TMEM209: variants seen among roughly 807,000 people sequenced by gnomAD.
TMEM209 encodes the protein transmembrane protein 209, also known as testicular tissue protein Li 202.
A neutral mutation model predicts 76.2 loss-of-function variants in TMEM209; 65 were observed. The observed-to-expected ratio is 0.85, with a 90% CI of 0.70 to 1.05. The LOEUF is 1.05. Among genes scored for constraint, TMEM209 ranks in the 50% least tolerant of loss-of-function variants. The pLI is 0.00. For missense variants in TMEM209, 623 were observed against 685.5 expected (o/e 0.91, Z 1.02); for synonymous variants, 239 against 237.6 (o/e 1.01, Z -0.06).
At chr7:130,190,499 C>T (rs541980227) in intron 6 of TMEM209, among the ~76,000 whole-genome samples, 1 of 144,882 alleles carries the variant, frequency 6.9e-6, no homozygotes, top group South Asian at 2.2e-4. Context: ...GCCTGGGCGA[C>T]AGAGCCAAGA....
At chr7:130,191,317 A>T (rs1797788829) in intron 6 of TMEM209, among the ~76,000 whole-genome samples, 1 of 151,754 alleles carries the variant, frequency 6.6e-6, no homozygotes, top group African/African-American at 2.4e-5. Context: ...TACTTAGCAA[A>T]TCTGACAGAA....
At chr7:130,191,979 C>G (rs1248560799) in intron 6 of TMEM209, among the ~76,000 whole-genome samples, 1 of 152,120 alleles carries the variant, frequency 6.6e-6, no homozygotes, top group African/African-American at 2.4e-5. Flanking sequence ...AGTCATGGTC[C>G]AATAACCGGC....
At chr7:130,184,159 T>A in intron 8 of TMEM209, 25 bp downstream of exon 8, 1 of 1,537,938 alleles carries the variant, frequency 6.5e-7, no homozygotes, top group African/African-American at 1.4e-5. Context: ...ACTAATATTG[T>A]CCAAAGAGTA....
chr7:130,179,944 CA>C (rs1212776098), intron 9 of TMEM209, among the ~76,000 whole-genome samples: 1 of 152,148 alleles, frequency 6.6e-6, no homozygotes, highest in African/African-American at 2.4e-5. Flanking sequence ...CCCTCTTGGG[CA>C]AAAGAGCGAG....
In TMEM209 at chr7:130,190,177, C is replaced by T. The variant is rs559281201; in HGVS notation, c.775+2445G>A. 3.3e-5 allele frequency among the ~76,000 whole-genome samples: 5 copies of T among 152,246 alleles called. No individual in the cohort carries two copies. In the South Asian group the frequency reaches 1.0e-3, roughly 32 times the overall value. The stretch of plus-strand genomic sequence containing the variant: ...AACAAATAAATGTAAAAGGCAGCTG[C>T]ACAATAATGTAAATGTACTTACCAC... On this transcript the variant is annotated intron_variant, in intron 6 of 14. Coordinates refer to ENST00000397622, the MANE Select transcript of TMEM209 (RefSeq NM_032842.4).
chr7:130,171,501 A>T (rs192134390), intron 13 of TMEM209, among the ~76,000 whole-genome samples: 1 of 152,210 alleles, frequency 6.6e-6, no homozygotes, highest in Non-Finnish European at 1.5e-5. Context: ...GGAAAAAAAA[A>T]CAGATGGTGG....
intron 9 of TMEM209, among the ~76,000 whole-genome samples, chr7:130,181,120 G>A (rs1584675637): frequency 1.3e-5 from 2 of 152,216 alleles, no homozygotes; most frequent in Non-Finnish European, 2.9e-5. Context: ...TGAATATTAT[G>A]CAGCAATAAA....
At chr7:130,194,308 C>G (rs1797898644) in intron 5 of TMEM209, among the ~76,000 whole-genome samples, 1 of 149,684 alleles carries the variant, frequency 6.7e-6, no homozygotes, top group African/African-American at 2.5e-5. Context: ...TTGCTGTGAA[C>G]TCAAAACTGC....
chr7:130,185,131 TAGA>T lies in TMEM209; in HGVS notation c.951+58_951+60del. 3 of 1,521,004 alleles carry T rather than the reference TAGA, an allele frequency of 2.0e-6. 1 individual carries two copies. The highest frequency in any genetic ancestry group is 2.6e-5 in the South Asian group (2 of 77,984). 94.2% of individuals were successfully genotyped at this position (1,521,004 alleles called of 1,614,324 possible). A position where few individuals can be genotyped will look rare whatever the true frequency, so the allele number is the denominator to read the frequency against. On this transcript the variant is annotated intron_variant, in intron 7 of 14. Coordinates refer to ENST00000397622, the MANE Select transcript of TMEM209 (RefSeq NM_032842.4). ...GATTACAGAAAAAATGTTCCAGAAG[TAGA>T]AGACTTTCTAACAATGCATAAATCA...
At position 130,205,396 on chromosome 7, in the gene TMEM209, A is replaced by C; in HGVS notation, c.-21T>G. ...ACCATGTCCTCTGGCCGGAAAACGCAGGCTCGCGCCACTCTCTCTGGGCAT... is the reference window on the plus strand; with the variant it reads ...ACCATGTCCTCTGGCCGGAAAACGCCGGCTCGCGCCACTCTCTCTGGGCAT... On this transcript the variant is annotated 5_prime_UTR_variant, in exon 1 of 15. Transcript: ENST00000397622. 6.2e-7 allele frequency: 1 copy of C among 1,613,696 alleles called. No homozygotes were observed. The highest frequency in any genetic ancestry group is 2.2e-5 in the East Asian group (1 of 44,868).
intron 13 of TMEM209, among the ~76,000 whole-genome samples, chr7:130,170,695 T>G (rs1260157443): frequency 6.6e-6 from 1 of 152,086 alleles, no homozygotes; most frequent in Non-Finnish European, 1.5e-5. Flanking sequence ...TAAGGGCCAG[T>G]AGGAAAGGCA....
intron 13 of TMEM209, among the ~76,000 whole-genome samples, chr7:130,172,262 T>C (rs1797094353): frequency 2.0e-5 from 3 of 152,230 alleles, no homozygotes; most frequent in Admixed American, 2.0e-4. Flanking sequence ...TGACCTAGAA[T>C]TCCACTTTTA....
intron 9 of TMEM209, among the ~76,000 whole-genome samples, chr7:130,180,009 C>T (rs750824977): frequency 1.3e-5 from 2 of 152,138 alleles, no homozygotes; most frequent in Non-Finnish European, 2.9e-5. Context: ...CCTACTGACA[C>T]ACAAGTCTAC....
intron 5 of TMEM209, among the ~76,000 whole-genome samples, chr7:130,200,405 A>G (rs1295953659): frequency 1.3e-5 from 2 of 152,230 alleles, no homozygotes; most frequent in Non-Finnish European, 2.9e-5. Context: ...TTCTGTGACA[A>G]TGTAAATTGG....
At chr7:130,178,600 T>C in intron 9 of TMEM209, 73 bp from the exon 10 acceptor site, 1 of 1,558,300 alleles carries the variant, frequency 6.4e-7, no homozygotes, top group Non-Finnish European at 8.7e-7. Context: ...AATGCTCTTC[T>C]CATGTGTTCA....
intron 11 of TMEM209, 104 bp downstream of exon 11, chr7:130,175,408 G>C: frequency 9.6e-7 from 1 of 1,041,894 alleles, no homozygotes; most frequent in Admixed American, 2.3e-5. Context: ...GCTGCAGTGA[G>C]ACGTGACTGT....
At chr7:130,170,376 C>G in intron 14 of TMEM209, 24 bp downstream of exon 14, 1 of 1,574,084 alleles carries the variant, frequency 6.4e-7, no homozygotes, top group Admixed American at 1.8e-5. Context: ...TAACTACTTA[C>G]GTTTTTAAAG....
Position 130,166,486 on chromosome 7 carries a change from A to C in TMEM209, c.1651T>G (p.Ser551Ala), listed in dbSNP as rs1467827211. The C allele has an allele frequency of 1.9e-6, 3 of 1,541,402 alleles. No individual in the cohort carries two copies. Among genetic ancestry groups the C allele is most frequent in the Non-Finnish European group, 2.6e-6 (3 of 1,143,388 alleles). The change falls in exon 15 of 15, where the codon TCT becomes GCT. Residue 551 changes from serine to alanine, a missense_variant. Coordinates refer to ENST00000397622, the MANE Select transcript of TMEM209 (RefSeq NM_032842.4). ...GMLGRVNLGLSGVNILWIFGE is the reference protein window; with the variant it reads ...GMLGRVNLGLAGVNILWIFGE ...AAGATCCACAATATATTCACACCAG[A>C]TAGACCAAGATTAACTCTCCTATAA...
Position 130,192,697 on chromosome 7 carries a change from CTTCT to C in TMEM209, c.696_699del (p.Glu233ThrfsTer3). On this transcript the variant is annotated frameshift_variant, in exon 6 of 15. Transcript: ENST00000397622. LOFTEE classifies it high-confidence loss of function. ...AAAGTTCGTAGGTCGGTCATGTAGT[CTTCT>C]TTGTCAGTAGGTGAGTTGTAGACGG... 1 of 1,613,804 alleles carries C rather than the reference CTTCT, an allele frequency of 6.2e-7. No homozygotes were observed. The highest frequency in any genetic ancestry group is 8.5e-7 in the Non-Finnish European group (1 of 1,179,762).
Sources: allele counts gnomAD v4.1 joint callset (sites outside exome capture counted in the v4.1 genomes callset), GRCh38; gene constraint gnomAD v4.1.1; transcripts MANE v1.5; gene names NCBI Gene and HGNC (gene_info 2026-07-23, HGNC 2026-07-21).